NUMB: variants seen among roughly 807,000 people sequenced by gnomAD.
NUMB encodes protein numb homolog.
A neutral mutation model predicts 59.7 loss-of-function variants in NUMB; 29 were observed. That is an observed-to-expected ratio of 0.49 (90% CI 0.36 to 0.66). The LOEUF (loss-of-function observed/expected upper bound fraction) is 0.66, where lower values mean the gene tolerates loss of function less well. NUMB is among the 30% of genes least tolerant of loss of function. The probability of loss-of-function intolerance (pLI) is 0.00; values close to 1 mark genes in which losing one functional copy is unlikely to be tolerated. For synonymous variants in NUMB, 288 were observed against 288.2 expected (o/e 1.00, Z 0.01); for missense variants, 723 against 822.0 (o/e 0.88, Z 1.47).
chr14:73,372,345 ATATATATATATATAACCTTT>A (rs1894744108), intron 2 of NUMB, among the ~76,000 whole-genome samples: 2 of 112,746 alleles, frequency 1.8e-5, no homozygotes, highest in African/African-American at 3.4e-5. Context: ...ATAACCTTTT[ATATATATATATATAACCTTT>A]TATATATATA....
chr14:73,276,940 A>AG lies in NUMB; in HGVS notation c.1593dup (p.Ser532LeufsTer46). The AG allele has an allele frequency of 3.1e-6, 5 of 1,614,176 alleles. No homozygotes were observed. Among genetic ancestry groups the AG allele is most frequent in the Non-Finnish European group, 4.2e-6 (5 of 1,180,042 alleles). ...CCAAATACGTTGGCCACCATCTGGG[A>AG]GGGAGTGATGCCCACCACAGGCACA... On this transcript the variant is annotated frameshift_variant, in exon 13 of 13. Transcript: ENST00000555238. LOFTEE classifies it high-confidence loss of function.
At chr14:73,351,381 A>C (rs947617934) in intron 4 of NUMB, among the ~76,000 whole-genome samples, 6 of 152,146 alleles carry the variant, frequency 3.9e-5, no homozygotes, top group African/African-American at 1.4e-4. Context: ...CTAAGGCAGG[A>C]GCATCATTTG....
At chr14:73,447,329 A>C (rs1489918780) in intron 1 of NUMB, among the ~76,000 whole-genome samples, 1 of 152,034 alleles carries the variant, frequency 6.6e-6, no homozygotes, top group African/African-American at 2.4e-5. Flanking sequence ...TCTACTAAAA[A>C]TACAAAAAAT....
rs1193656639 is a variant in NUMB at position 73,441,588 on chromosome 14, C to T, written c.-233+16905G>A. Among the ~76,000 whole-genome samples the T allele has an allele frequency of 2.0e-5, 3 of 152,010 alleles. No individual in the cohort carries two copies. The South Asian group carries it at 6.2e-4, about 32-fold the overall frequency. On this transcript the variant is annotated intron_variant, in intron 1 of 12. Transcript: ENST00000555238. ...CACTAGAATAGCTCTACTCAAAAAGCAGAGATCAGCCTGAGCTGTGACTCA... is the reference window on the plus strand; with the variant it reads ...CACTAGAATAGCTCTACTCAAAAAGTAGAGATCAGCCTGAGCTGTGACTCA...
rs769155576 is a variant in NUMB, at chr14:73,287,008, G to A, written c.655+102C>T. 18 of 1,105,434 alleles carry A rather than the reference G, an allele frequency of 1.6e-5. No homozygotes were observed. The Admixed American group carries it at 2.1e-4, about 13-fold the overall frequency. 68.5% of individuals were successfully genotyped at this position (1,105,434 alleles called of 1,614,324 possible). ...GTTATAAGGTTTTATATTGCTAAGG[G>A]TTCTCTTTGATTATGAGAAAATTTA... On this transcript the variant is annotated intron_variant, in intron 9 of 12. Coordinates refer to ENST00000555238, the MANE Select transcript of NUMB (RefSeq NM_001005743.2).
chr14:73,298,432 G>A (rs1594878127), intron 6 of NUMB: 1 of 152,186 alleles, frequency 6.6e-6, no homozygotes, highest in East Asian at 1.9e-4. Context: ...AAAAACTACT[G>A]AAAAAATAAT....
At chr14:73,321,800 T>G (rs138707773) in intron 5 of NUMB, among the ~76,000 whole-genome samples, 1 of 152,194 alleles carries the variant, frequency 6.6e-6, no homozygotes, top group African/African-American at 2.4e-5. Context: ...ATAAAGAGTA[T>G]GTATAGGTAT....
rs1237330052 is a variant in NUMB at position 73,275,539 on chromosome 14, T to C, written c.*1039A>G. ...ATATGGTAACCTGTGTTCCCTTCTATGGTATGATTATGTCATGTTACCTTA... is the reference window on the plus strand; with the variant it reads ...ATATGGTAACCTGTGTTCCCTTCTACGGTATGATTATGTCATGTTACCTTA... On this transcript the variant is annotated 3_prime_UTR_variant, in exon 13 of 13. Transcript: ENST00000555238. 2 of 152,146 alleles carry C rather than the reference T, an allele frequency of 1.3e-5. No homozygotes were observed. The highest frequency in any genetic ancestry group is 2.9e-5 in the Non-Finnish European group (2 of 68,020). 9.4% of individuals were successfully genotyped at this position (152,146 alleles called of 1,614,324 possible).
rs187713664 is a variant in NUMB at position 73,421,964 on chromosome 14, C to T, written c.-232-11896G>A. Among the ~76,000 whole-genome samples the T allele has an allele frequency of 2.6e-3, 403 of 152,090 alleles. 2 individuals carry two copies. The highest frequency in any genetic ancestry group is 9.3e-3 in the African/African-American group (386 of 41,472). On this transcript the variant is annotated intron_variant, in intron 1 of 12. Transcript: ENST00000555238. ...GCCCAGCCTGGCCAACATCGTGAAA[C>T]CCCGTCTCTACTAAAAATACAAAAA...
intron 6 of NUMB, among the ~76,000 whole-genome samples, chr14:73,307,342 AGT>A (rs1266402070): frequency 1.4e-4 from 20 of 147,860 alleles, no homozygotes; most frequent in Non-Finnish European, 7.4e-5. Context: ...AGGAATTGGG[AGT>A]GTGTGTGTGT....
chr14:73,323,284 A>T, intron 4 of NUMB, 80 bp from the exon 5 acceptor site: 1 of 947,686 alleles, frequency 1.1e-6, no homozygotes, highest in South Asian at 1.5e-5. Flanking sequence ...GTGAAAATTG[A>T]ATACAGGTTG....
chr14:73,337,138 A>T (rs1892367036), intron 4 of NUMB, among the ~76,000 whole-genome samples: 1 of 149,444 alleles, frequency 6.7e-6, no homozygotes, highest in African/African-American at 2.5e-5. Context: ...TCTGTCTTTA[A>T]AAAAAAAAAA....
intron 7 of NUMB, among the ~76,000 whole-genome samples, chr14:73,293,988 T>G (rs1278214909): frequency 6.6e-6 from 1 of 152,236 alleles, no homozygotes; most frequent in Non-Finnish European, 1.5e-5. Flanking sequence ...ATCTTGAAGT[T>G]AGGTCTTTAT....
intron 11 of NUMB, among the ~76,000 whole-genome samples, chr14:73,279,827 C>T (rs1469949135): frequency 1.3e-5 from 2 of 152,228 alleles, no homozygotes; most frequent in African/African-American, 4.8e-5. Flanking sequence ...CTCTTCTTCA[C>T]TTTTCCAAAA....
At chr14:73,329,467 TTCTC>T (rs1017306086) in intron 4 of NUMB, among the ~76,000 whole-genome samples, 2 of 152,164 alleles carry the variant, frequency 1.3e-5, no homozygotes, top group African/African-American at 2.4e-5. Context: ...CTCAGTCCTC[TTCTC>T]TCTCTCTTTT....
At chr14:73,336,272 AACT>A (rs1311229210) in intron 4 of NUMB, among the ~76,000 whole-genome samples, 2 of 152,242 alleles carry the variant, frequency 1.3e-5, no homozygotes, top group African/African-American at 4.8e-5. Flanking sequence ...TACATATATT[AACT>A]TATCATTATT....
chr14:73,398,126 T>C (rs1356666489), intron 2 of NUMB, among the ~76,000 whole-genome samples: 2 of 152,122 alleles, frequency 1.3e-5, no homozygotes, highest in East Asian at 1.9e-4. Flanking sequence ...CCCACTAGCT[T>C]TGCCACATAA....
intron 1 of NUMB, 114 bp downstream of exon 1, chr14:73,458,379 G>GCCCCGA (rs1231830485): frequency 1.3e-5 from 2 of 153,248 alleles, no homozygotes; most frequent in African/African-American, 4.9e-5. Context: ...CCCGGCCCGG[G>GCCCCGA]CCCCGACCCG....
At chr14:73,321,578 C>T (rs1891408603) in intron 5 of NUMB, among the ~76,000 whole-genome samples, 1 of 152,142 alleles carries the variant, frequency 6.6e-6, no homozygotes, top group African/African-American at 2.4e-5. Context: ...TTTTACTTCT[C>T]TTTTAAATTT....
Sources: gnomAD v4.1 joint callset for allele counts (sites outside exome capture counted in the v4.1 genomes callset) on GRCh38, gnomAD v4.1.1 for gene constraint, MANE v1.5 for transcripts, NCBI Gene and HGNC (gene_info 2026-07-23, HGNC 2026-07-21) for gene names.